Variants in PCDH11Y observed in about 807,000 individuals in gnomAD.
PCDH11Y encodes protocadherin 11 Y-linked.
For missense variants in PCDH11Y, 12 were observed against 224.8 expected (o/e 0.05, Z 6.05); for synonymous variants, 9 against 83.6 (o/e 0.11, Z 4.87).
chrY:5,519,422 C>G (rs2053377890), intron 3 of PCDH11Y, among the ~76,000 whole-genome samples: 1 of 29,160 alleles, frequency 3.4e-5, no homozygotes. Context: ...TTTGTGTTTA[C>G]TTCCACCCAA....
In PCDH11Y at chrY:5,165,241, C is replaced by T. The variant is rs2124644810; in HGVS notation, c.3129+64534C>T. ...ATTGAACATTCCACTCAATGATAGC[C>T]GAATACGTTCTTTGCAAGTGCACAT... On this transcript the variant is annotated intron_variant, in intron 2 of 4. Coordinates refer to the PCDH11Y transcript ENST00000400457. Among the ~76,000 whole-genome samples, 4 of 31,987 alleles carry T rather than the reference C, an allele frequency of 1.3e-4. No homozygotes were observed. In the East Asian group the frequency reaches 3.3e-3, roughly 27 times the overall value. The allele number at this position is 31,987 out of a possible 37,273, so 85.8% of individuals were successfully genotyped here.
chrY:5,600,292 C>T, intron 4 of PCDH11Y, among the ~76,000 whole-genome samples: 1 of 29,619 alleles, frequency 3.4e-5, no homozygotes, highest in South Asian at 7.8e-4. Flanking sequence ...AGGCATGCAC[C>T]ACCACGCCTG....
At chrY:5,327,267 C>A (rs2124666777) in intron 2 of PCDH11Y, among the ~76,000 whole-genome samples, 1 of 32,739 alleles carries the variant, frequency 3.1e-5, no homozygotes, top group East Asian at 8.2e-4. Context: ...GTAAAGAAAG[C>A]ATGTTTGAGA....
At chrY:5,373,718 TTA>T (rs1602914407) in intron 2 of PCDH11Y, among the ~76,000 whole-genome samples, 108 of 24,886 alleles carry the variant, frequency 4.3e-3, no homozygotes, top group African/African-American at 5.8e-3. Context: ...ACTTATATGT[TTA>T]TATATATATA....
At chrY:5,266,021 AACATGT>A (rs2053025176) in intron 2 of PCDH11Y, among the ~76,000 whole-genome samples, 2 of 32,552 alleles carry the variant, frequency 6.1e-5, no homozygotes, top group African/African-American at 2.4e-4. Context: ...TGACTATTCA[AACATGT>A]AGTGTTTTGA....
At chrY:5,638,099 G>C (rs2053519991) in intron 4 of PCDH11Y, among the ~76,000 whole-genome samples, 1 of 24,753 alleles carries the variant, frequency 4.0e-5, no homozygotes, top group Non-Finnish European at 9.3e-5. Flanking sequence ...TGGGACTACA[G>C]GTGCCCGACA....
chrY:5,499,377 A>C, intron 2 of PCDH11Y, among the ~76,000 whole-genome samples: 6 of 33,268 alleles, frequency 1.8e-4, no homozygotes, highest in African/African-American at 7.0e-4. Flanking sequence ...TCATTAGAAG[A>C]AGTAATTTTA....
intron 3 of PCDH11Y, among the ~76,000 whole-genome samples, chrY:5,537,575 G>A (rs2053401854): frequency 7.1e-4 from 23 of 32,268 alleles, no homozygotes; most frequent in Non-Finnish European, 3.0e-4. Context: ...GCAGTTCGTA[G>A]GGGAACCTGG....
intron 2 of PCDH11Y, among the ~76,000 whole-genome samples, chrY:5,413,997 AT>A (rs2053250737): frequency 3.1e-5 from 1 of 32,413 alleles, no homozygotes; most frequent in Non-Finnish European, 7.5e-5. Context: ...TTTTTTCTTT[AT>A]CTAGCTAGCA....
chrY:5,386,165 G>A, intron 2 of PCDH11Y, among the ~76,000 whole-genome samples: 5 of 33,477 alleles, frequency 1.5e-4, no homozygotes, highest in Non-Finnish European at 3.7e-4. Context: ...TTTGTTTAAA[G>A]AAGTTAAAGA....
intron 4 of PCDH11Y, among the ~76,000 whole-genome samples, chrY:5,684,237 G>T (rs2053561122): frequency 3.1e-5 from 1 of 32,667 alleles, no homozygotes; most frequent in Non-Finnish European, 7.6e-5. Flanking sequence ...GATTATCAGA[G>T]AAACACAAAT....
chrY:5,529,592 A>G, intron 3 of PCDH11Y, among the ~76,000 whole-genome samples: 1 of 32,383 alleles, frequency 3.1e-5, no homozygotes, highest in Admixed American at 2.8e-4. Flanking sequence ...TACCCCATAA[A>G]TATATTACAC....
intron 2 of PCDH11Y, among the ~76,000 whole-genome samples, chrY:5,197,627 C>T: frequency 6.5e-5 from 2 of 30,798 alleles, no homozygotes; most frequent in Non-Finnish European, 1.6e-4. Flanking sequence ...GGCACAAATA[C>T]ACCATGGAAT....
At chrY:5,046,967 C>T in intron 3 of PCDH11Y, among the ~76,000 whole-genome samples, 4 of 34,098 alleles carry the variant, frequency 1.2e-4, no homozygotes, top group South Asian at 6.4e-4. Context: ...CGCCCTGCTT[C>T]GCCTCGCGCA....
intron 3 of PCDH11Y, among the ~76,000 whole-genome samples, chrY:5,563,773 G>A: frequency 2.4e-4 from 7 of 28,910 alleles, no homozygotes; most frequent in African/African-American, 1.4e-4. Flanking sequence ...GAGGTAAGAT[G>A]GTTCATCAAA....
chrY:5,376,633 T>G, intron 2 of PCDH11Y, among the ~76,000 whole-genome samples: 1 of 33,557 alleles, frequency 3.0e-5, no homozygotes, highest in Non-Finnish European at 7.3e-5. Flanking sequence ...TTTTCAGAGA[T>G]AAACAAAAAA....
At chrY:5,011,559 C>T in intron 1 of PCDH11Y, among the ~76,000 whole-genome samples, 4 of 33,484 alleles carry the variant, frequency 1.2e-4, no homozygotes, top group African/African-American at 3.5e-4. Context: ...ACAGCAACAA[C>T]GAAAGACACT....
intron 2 of PCDH11Y, among the ~76,000 whole-genome samples, chrY:5,475,397 T>C: frequency 3.0e-5 from 1 of 33,144 alleles, no homozygotes; most frequent in African/African-American, 1.2e-4. Flanking sequence ...GCATTGAAAT[T>C]CATCAAATGT....
intron 4 of PCDH11Y, among the ~76,000 whole-genome samples, chrY:5,735,784 G>A: frequency 3.2e-5 from 1 of 30,817 alleles, no homozygotes; most frequent in Non-Finnish European, 7.8e-5. Flanking sequence ...ATCCATCTAA[G>A]ATTTCCTTTT....
Sources: allele counts gnomAD v4.1 joint callset (sites outside exome capture counted in the v4.1 genomes callset), GRCh38; gene constraint gnomAD v4.1.1; transcripts MANE v1.5; gene names NCBI Gene and HGNC (gene_info 2026-07-23, HGNC 2026-07-21).